Variants in UTP14A observed in about 807,000 individuals in gnomAD.
UTP14A encodes UTP14A small subunit processome component, also known as U3 small nucleolar RNA-associated protein 14 homolog A.
In UTP14A, 5 loss-of-function variants were observed where a neutral mutation model predicts 57.2. That is an observed-to-expected ratio of 0.09 (90% CI 0.05 to 0.18). The LOEUF is 0.18. Ranked by LOEUF, UTP14A falls within the 10% of genes least tolerant of loss-of-function variation. The pLI, the probability that UTP14A is intolerant of heterozygous loss-of-function variation, is 1.00. For missense variants in UTP14A, 430 were observed against 562.1 expected (o/e 0.76, Z 2.38); for synonymous variants, 169 against 210.9 (o/e 0.80, Z 1.72).
chrX:129,913,012 G>T (rs17268035), intron 6 of UTP14A, among the ~76,000 whole-genome samples: 9,689 of 111,225 alleles, frequency 0.087, 394 homozygotes, highest in East Asian at 0.29. Context: ...CCTGAAGTCC[G>T]GTTTTTAGTC....
chrX:129,906,958 G>T (rs1929278355), intron 1 of UTP14A, among the ~76,000 whole-genome samples: 1 of 110,774 alleles, frequency 9.0e-6, no homozygotes, highest in Non-Finnish European at 1.9e-5. Context: ...TTGCCTCCAG[G>T]GCTAGCTAGC....
At chrX:129,909,588 G>T (rs1252850598) in intron 4 of UTP14A, among the ~76,000 whole-genome samples, 1 of 111,538 alleles carries the variant, frequency 9.0e-6, no homozygotes, top group Non-Finnish European at 1.9e-5. Flanking sequence ...ATAAGAGTTT[G>T]TTGGACAGAG....
intron 14 of UTP14A, 76 bp downstream of exon 14, chrX:129,926,415 A>G: frequency 1.1e-6 from 1 of 907,756 alleles, no homozygotes; most frequent in Non-Finnish European, 1.6e-6. Context: ...TATTCTAGTG[A>G]TCTGTAGTCA....
chrX:129,912,112 C>CT (rs369904550), intron 6 of UTP14A, among the ~76,000 whole-genome samples, 191 bp downstream of exon 6: 9,952 of 99,800 alleles, frequency 0.1, 1,390 homozygotes, highest in African/African-American at 0.35. Context: ...TCTGTGATCA[C>CT]TTTTTTTTTT....
intron 12 of UTP14A, among the ~76,000 whole-genome samples, chrX:129,925,525 G>A (rs1250364341): frequency 9.0e-6 from 1 of 111,600 alleles, no homozygotes; most frequent in Non-Finnish European, 1.9e-5. Flanking sequence ...GTTTTATTCA[G>A]TGGGATCTCA....
rs755771949 is a variant in UTP14A, at chrX:129,925,021, T to G, written c.1575T>G (p.Asn525Lys). ...EELGKEECFQ[N>K]KELPRPVLEG... is the part of the protein sequence containing the mutation. ...TGGGAAAAGAAGAATGTTTTCAAAATAAGGAGCTTCCCAGACCTGTGTTAG... is the reference window on the plus strand; with the variant it reads ...TGGGAAAAGAAGAATGTTTTCAAAAGAAGGAGCTTCCCAGACCTGTGTTAG... The change falls in exon 12 of 15, where the codon AAT (asparagine) becomes AAG (lysine). Residue 525 changes from asparagine (N) to lysine (K), a missense_variant. Asn to Lys is a moderately conservative substitution (Grantham distance 94). This residue lies in a region of UTP14A where 120 missense variants were observed against 116.8 expected (regional missense o/e 1.03). Coordinates refer to ENST00000394422, the MANE Select transcript of UTP14A (RefSeq NM_006649.4). 3.3e-6 allele frequency: 4 copies of G among 1,209,144 alleles called. No homozygotes were observed. Among genetic ancestry groups the G allele is most frequent in the African/African-American group, 3.5e-5 (2 of 56,831 alleles).
chrX:129,916,848 T>C (rs1377473092), intron 6 of UTP14A, among the ~76,000 whole-genome samples: 1 of 111,801 alleles, frequency 8.9e-6, no homozygotes, highest in East Asian at 2.8e-4. Context: ...CTCATCTGTT[T>C]GGATTTTTTT....
intron 11 of UTP14A, among the ~76,000 whole-genome samples, chrX:129,924,171 T>C (rs909823349): frequency 8.2e-5 from 9 of 110,358 alleles, no homozygotes; most frequent in African/African-American, 3.0e-4. Flanking sequence ...GAGTTCTCAC[T>C]ATGTTGTTCA....
intron 11 of UTP14A, 133 bp from the exon 12 acceptor site, chrX:129,924,659 ATCT>A (rs1236167152): frequency 3.8e-6 from 3 of 790,324 alleles, no homozygotes; most frequent in African/African-American, 4.2e-5. Context: ...AATGTACAGA[ATCT>A]TCTTTTCCCC....
At chrX:129,928,662 G>C (rs909746306) in intron 14 of UTP14A, among the ~76,000 whole-genome samples, 1 of 110,831 alleles carries the variant, frequency 9.0e-6, no homozygotes, top group Non-Finnish European at 1.9e-5. Flanking sequence ...GCTGAGGCAG[G>C]AGAATGGCGT....
intron 6 of UTP14A, among the ~76,000 whole-genome samples, chrX:129,915,992 C>T (rs898065632): frequency 8.0e-5 from 7 of 87,168 alleles, no homozygotes; most frequent in Non-Finnish European, 1.3e-4. Flanking sequence ...CTTGCTCTGT[C>T]GCCCAGGCTG....
At position 129,911,138 on chromosome X, in the gene UTP14A, A is replaced by G. The variant is rs1246663812; in HGVS notation, c.369A>G (p.Glu123=). 2.5e-6 allele frequency: 3 copies of G among 1,208,066 alleles called. No homozygotes were observed. In the African/African-American group the frequency reaches 5.3e-5, roughly 21 times the overall value. Residue 123 remains glutamate (E), a synonymous_variant, in exon 5 of 15, where the codon GAA becomes GAG. Coordinates refer to ENST00000394422, the MANE Select transcript of UTP14A (RefSeq NM_006649.4). The stretch of plus-strand genomic sequence containing the variant: ...CAGTGGAGTTACCTCTGAACAAAGA[A>G]GAGATTGAACGGGTAAGCTACAGAG... The part of the protein sequence containing the change: ...KKTVELPLNK[E]EIERIHREVA...
At chrX:129,906,366 A>C in intron 1 of UTP14A, 130 bp downstream of exon 1, 3 of 622,412 alleles carry the variant, frequency 4.8e-6, no homozygotes, top group East Asian at 3.4e-5. Context: ...ATTCGTTCCT[A>C]TTTTCCGCGA....
At position 129,913,848 on chromosome X, in the gene UTP14A, G is replaced by A. The variant is rs180848456; in HGVS notation, c.537+1927G>A. Among the ~76,000 whole-genome samples the A allele has an allele frequency of 5.7e-3, 635 of 111,421 alleles. 4 individuals carry two copies. The highest frequency in any genetic ancestry group is 8.4e-3 in the Non-Finnish European group (447 of 52,995). On this transcript the variant is annotated intron_variant, in intron 6 of 14. Transcript: ENST00000394422. The stretch of plus-strand genomic sequence containing the variant: ...ATACAAAAATTAGCGGGGCATGGTG[G>A]TGTGTGCCTGTAATCCCAGCTACTA...
intron 3 of UTP14A, chrX:129,908,383 C>A: frequency 2.5e-6 from 1 of 407,929 alleles, no homozygotes; most frequent in Non-Finnish European, 4.2e-6. Context: ...AATAAATTTA[C>A]TTACCCCCAA....
intron 3 of UTP14A, 54 bp from the exon 4 acceptor site, chrX:129,908,616 C>G: frequency 1.8e-6 from 2 of 1,120,046 alleles, no homozygotes; most frequent in South Asian, 3.7e-5. Flanking sequence ...TCTCCCAACC[C>G]CAAGCCCCCA....
chrX:129,928,342 G>A (rs1372835745), intron 14 of UTP14A, among the ~76,000 whole-genome samples: 3 of 83,001 alleles, frequency 3.6e-5, no homozygotes, highest in African/African-American at 9.7e-5. Context: ...CCGAGATCAC[G>A]CCACTGCACT....
intron 14 of UTP14A, 25 bp from the exon 15 acceptor site, chrX:129,929,311 C>T: frequency 8.3e-7 from 1 of 1,204,758 alleles, no homozygotes. Context: ...CTGCCTCATA[C>T]CAAATCATTC....
At chrX:129,908,474 TAAAG>T in intron 3 of UTP14A, 192 bp from the exon 4 acceptor site, 1 of 467,819 alleles carries the variant, frequency 2.1e-6, no homozygotes, top group Non-Finnish European at 3.7e-6. Context: ...TACCTTGTAA[TAAAG>T]AGAAGAGATG....
Sources: allele counts gnomAD v4.1 joint callset (sites outside exome capture counted in the v4.1 genomes callset), GRCh38; gene constraint gnomAD v4.1.1; regional missense constraint gnomAD v4.1.1; transcripts MANE v1.5; gene names NCBI Gene and HGNC (gene_info 2026-07-23, HGNC 2026-07-21).